MINDY3: variants seen among roughly 807,000 people sequenced by gnomAD.
The protein encoded by MINDY3 is MINDY lysine 48 deubiquitinase 3, also known as ubiquitin carboxyl-terminal hydrolase MINDY-3.
In MINDY3, 38 loss-of-function variants were observed where a neutral mutation model predicts 69.2. That is an observed-to-expected ratio of 0.55 (90% CI 0.42 to 0.72). The LOEUF (loss-of-function observed/expected upper bound fraction) is 0.72, where lower values mean the gene tolerates loss of function less well. Among genes scored for constraint, MINDY3 ranks in the 30% least tolerant of loss-of-function variants. The probability of loss-of-function intolerance (pLI) is 0.00; values close to 1 mark genes in which losing one functional copy is unlikely to be tolerated. For missense variants in MINDY3, 522 were observed against 519.0 expected (o/e 1.01, Z -0.06); for synonymous variants, 192 against 180.1 (o/e 1.07, Z -0.53).
At chr10:15,839,029 G>C (rs1365927364) in intron 4 of MINDY3, among the ~76,000 whole-genome samples, 1 of 151,624 alleles carries the variant, frequency 6.6e-6, no homozygotes, top group Non-Finnish European at 1.5e-5. Flanking sequence ...TTAAACAGCA[G>C]AGATGAGACT....
In MINDY3 at chr10:15,848,657, AAAAAAGAAAG is replaced by A. The variant is rs1834041874; in HGVS notation, c.95-724_95-715del. Among the ~76,000 whole-genome samples the A allele has an allele frequency of 3.2e-5, 4 of 126,328 alleles. 1 individual carries two copies. The highest frequency in any genetic ancestry group is 1.1e-4 in the African/African-American group (4 of 36,140). The allele number at this position is 126,328 out of a possible 152,430, so 82.9% of individuals were successfully genotyped here. ...TCAAAAAAAAAAAAAAAAAAAAAAA[AAAAAAGAAAG>A]AAAAATTAAATGGCATTGTAGACAG... On this transcript the variant is annotated intron_variant, in intron 1 of 14. Transcript: ENST00000277632.
intron 9 of MINDY3, among the ~76,000 whole-genome samples, chr10:15,821,074 GGTT>G (rs1413011649): frequency 6.6e-6 from 1 of 152,130 alleles, no homozygotes; most frequent in Non-Finnish European, 1.5e-5. Flanking sequence ...ACCCATTTCA[GGTT>G]GTTTCAGATT....
chr10:15,837,694 C>T, intron 5 of MINDY3: 2 of 1,095,082 alleles, frequency 1.8e-6, no homozygotes, highest in Non-Finnish European at 2.3e-6. Context: ...AATTACTTAA[C>T]AAATATCTTA....
At position 15,782,173 on chromosome 10, in the gene MINDY3, C is replaced by T. The variant is rs774240028; in HGVS notation, c.1170G>A (p.Gln390=). 6.2e-7 allele frequency: 1 copy of T among 1,610,274 alleles called. No individual in the cohort carries two copies. Among genetic ancestry groups the T allele is most frequent in the Non-Finnish European group, 8.5e-7 (1 of 1,177,692 alleles). ...ATCATACCTTTTCATTATAATTTGA[C>T]TGCTTCAATCCATTGTAGTGGTAGA... is the stretch of plus-strand genomic sequence containing the variant. ...FTVYHYNGLK[Q]SNYNEKVMYV... is the part of the protein sequence containing the mutation. The change falls in exon 14 of 15, where the codon CAG becomes CAA. Residue 390 remains glutamine (Q), a synonymous_variant. Coordinates refer to ENST00000277632, the MANE Select transcript of MINDY3 (RefSeq NM_024948.4).
At chr10:15,857,731 T>C (rs894650781) in intron 1 of MINDY3, among the ~76,000 whole-genome samples, 22 of 152,294 alleles carry the variant, frequency 1.4e-4, no homozygotes, top group African/African-American at 5.3e-4. Context: ...CAGGGATTTG[T>C]AGAAGAGAAT....
rs111708594 is a variant in MINDY3 at position 15,815,784 on chromosome 10, C to T, written c.882+1051G>A. Among the ~76,000 whole-genome samples, 216 of 152,158 alleles carry T rather than the reference C, an allele frequency of 1.4e-3. 1 individual carries two copies. The highest frequency in any genetic ancestry group is 5.0e-3 in the African/African-American group (206 of 41,510). On this transcript the variant is annotated intron_variant, in intron 10 of 14. Coordinates refer to ENST00000277632, the MANE Select transcript of MINDY3 (RefSeq NM_024948.4). ...TGACAACAATTCTAAAAGCTAGGTA[C>T]TATTATGAATCCCTATTTTAAAGAC...
intron 10 of MINDY3, among the ~76,000 whole-genome samples, chr10:15,806,845 C>T (rs1358723662): frequency 2.0e-5 from 3 of 152,170 alleles, no homozygotes; most frequent in Non-Finnish European, 4.4e-5. Context: ...CACTTCATAT[C>T]AGTCTCAAAG....
chr10:15,858,696 G>A (rs1834867161), intron 1 of MINDY3, among the ~76,000 whole-genome samples: 1 of 152,148 alleles, frequency 6.6e-6, no homozygotes, highest in African/African-American at 2.4e-5. Flanking sequence ...CTGCCACCCT[G>A]AATCTTCCTT....
At chr10:15,841,717 G>GA (rs905095849) in intron 3 of MINDY3, 118 bp from the exon 4 acceptor site, 30 of 543,404 alleles carry the variant, frequency 5.5e-5, no homozygotes, top group Non-Finnish European at 8.4e-5. Context: ...AAAAATGGGG[G>GA]AAAAATCTCT....
At chr10:15,783,097 T>C (rs1280539053) in intron 13 of MINDY3, among the ~76,000 whole-genome samples, 1 of 152,166 alleles carries the variant, frequency 6.6e-6, no homozygotes, top group African/African-American at 2.4e-5. Context: ...AGACAGCTGC[T>C]GGCAACTGGA....
chr10:15,860,353 G>C lies in MINDY3; in HGVS notation c.-54C>G. On this transcript the variant is annotated 5_prime_UTR_variant, in exon 1 of 15. Transcript: ENST00000277632. ...TTTGCGGACTCCTGCCCCGGAACAT[G>C]GGGAAGGGGCAACTCCGGAAACAGC... 1 of 1,331,444 alleles carries C rather than the reference G, an allele frequency of 7.5e-7. No homozygotes were observed. The highest frequency in any genetic ancestry group is 1.1e-6 in the Non-Finnish European group (1 of 944,336). 82.5% of individuals were successfully genotyped at this position (1,331,444 alleles called of 1,614,324 possible).
At chr10:15,799,014 G>GAGTAAATTTTTAT (rs1056793656) in intron 10 of MINDY3, among the ~76,000 whole-genome samples, 1 of 151,986 alleles carries the variant, frequency 6.6e-6, no homozygotes, top group East Asian at 1.9e-4. Flanking sequence ...ATGGGCCACA[G>GAGTAAATTTTTAT]AGTAAATTTT....
chr10:15,831,783 C>A (rs752269937), intron 8 of MINDY3, among the ~76,000 whole-genome samples: 5 of 150,074 alleles, frequency 3.3e-5, no homozygotes, highest in African/African-American at 4.9e-5. Flanking sequence ...TCAAGCAATT[C>A]TCCTGCCTCA....
intron 11 of MINDY3, among the ~76,000 whole-genome samples, chr10:15,791,504 CATAG>C (rs571158706): frequency 1.0e-3 from 156 of 151,922 alleles, no homozygotes; most frequent in African/African-American, 3.7e-3. Context: ...AAATTAACTA[CATAG>C]ATATCAACAC....
chr10:15,819,852 G>A (rs568136531), intron 9 of MINDY3, among the ~76,000 whole-genome samples: 3 of 152,280 alleles, frequency 2.0e-5, no homozygotes, highest in South Asian at 4.1e-4. Flanking sequence ...ACACAGCAGC[G>A]ATTGACTTCC....
At chr10:15,850,955 C>T (rs947337817) in intron 1 of MINDY3, among the ~76,000 whole-genome samples, 3 of 152,104 alleles carry the variant, frequency 2.0e-5, no homozygotes, top group Admixed American at 6.5e-5. Flanking sequence ...TAGAAAAGAA[C>T]CTACGTTGAA....
At chr10:15,813,457 C>G (rs1281503782) in intron 10 of MINDY3, among the ~76,000 whole-genome samples, 1 of 152,190 alleles carries the variant, frequency 6.6e-6, no homozygotes. Flanking sequence ...TCCAAAACTA[C>G]AATAAATTCT....
intron 8 of MINDY3, among the ~76,000 whole-genome samples, chr10:15,825,608 T>C (rs1367157302): frequency 6.6e-6 from 1 of 152,212 alleles, no homozygotes; most frequent in Admixed American, 6.5e-5. Flanking sequence ...AAGTGGAATA[T>C]AACCAGACAA....
intron 3 of MINDY3, among the ~76,000 whole-genome samples, 169 bp from the exon 4 acceptor site, chr10:15,841,768 G>C (rs1015083815): frequency 3.6e-4 from 54 of 151,668 alleles, no homozygotes; most frequent in African/African-American, 1.3e-3. Flanking sequence ...CAATGTGTTT[G>C]TGGATTAAAA....
Sources: gnomAD v4.1 joint callset for allele counts (sites outside exome capture counted in the v4.1 genomes callset) on GRCh38, gnomAD v4.1.1 for gene constraint, MANE v1.5 for transcripts, NCBI Gene and HGNC (gene_info 2026-07-23, HGNC 2026-07-21) for gene names.